Variants in PTPRD observed in about 807,000 individuals in gnomAD.
The protein encoded by PTPRD is receptor-type tyrosine-protein phosphatase delta.
A neutral mutation model predicts 214.5 loss-of-function variants in PTPRD; 34 were observed. That is an observed-to-expected ratio of 0.16 (90% CI 0.12 to 0.21). The LOEUF (loss-of-function observed/expected upper bound fraction) is 0.21, where lower values mean the gene tolerates loss of function less well. Among genes scored for constraint, PTPRD ranks in the 10% least tolerant of loss-of-function variants. The probability of loss-of-function intolerance (pLI) is 1.00; values close to 1 mark genes in which losing one functional copy is unlikely to be tolerated. For synonymous variants in PTPRD, 1,128 were observed against 845.7 expected, an observed-to-expected ratio of 1.33 and a Z score of -5.79; for missense variants, 2,545 against 2,398.7, an observed-to-expected ratio of 1.06 and a Z score of -1.27.
intron 3 of PTPRD, among the ~76,000 whole-genome samples, chr9:10,293,251 G>A (rs773787745): frequency 4.6e-5 from 7 of 151,652 alleles, no homozygotes; most frequent in African/African-American, 7.3e-5. Flanking sequence ...CCTGAAAGAG[G>A]TATAGAAAAA....
chr9:8,721,408 C>A (rs1362529129), intron 12 of PTPRD, among the ~76,000 whole-genome samples: 4 of 139,690 alleles, frequency 2.9e-5, no homozygotes, highest in Non-Finnish European at 6.0e-5. Context: ...CCAGTCTGGA[C>A]GACTGAGTGA....
intron 10 of PTPRD, among the ~76,000 whole-genome samples, chr9:9,022,856 C>A (rs1757453): frequency 0.45 from 67,989 of 151,764 alleles, 15,687 homozygotes; most frequent in African/African-American, 0.52. Context: ...AGAGATCAGC[C>A]ACAGAAACAG....
chr9:8,568,326 C>T (rs1159107613), intron 14 of PTPRD, among the ~76,000 whole-genome samples: 1 of 152,068 alleles, frequency 6.6e-6, no homozygotes, highest in Non-Finnish European at 1.5e-5. Flanking sequence ...TTCCTCCCTC[C>T]CTCCCTCTCT....
chr9:9,594,573 G>A (rs1381658645), intron 7 of PTPRD, among the ~76,000 whole-genome samples: 1 of 152,030 alleles, frequency 6.6e-6, no homozygotes, highest in African/African-American at 2.4e-5. Context: ...TCAAAGATCA[G>A]TTGGCTGTAA....
chr9:8,764,365 G>A (rs1201213244), intron 11 of PTPRD, among the ~76,000 whole-genome samples: 1 of 152,160 alleles, frequency 6.6e-6, no homozygotes, highest in Non-Finnish European at 1.5e-5. Context: ...TTATTGTTTG[G>A]TTTCAAGGCA....
At chr9:10,407,088 T>C (rs2098374894) in intron 2 of PTPRD, among the ~76,000 whole-genome samples, 1 of 151,584 alleles carries the variant, frequency 6.6e-6, no homozygotes, top group East Asian at 2.0e-4. Context: ...GCCCAACGTC[T>C]TCTCACCAAC....
intron 9 of PTPRD, among the ~76,000 whole-genome samples, chr9:9,360,710 T>G (rs191361723): frequency 0.012 from 1,790 of 151,294 alleles, 40 homozygotes; most frequent in African/African-American, 0.041. Flanking sequence ...GTTATTTTCA[T>G]TGTATTATAT....
At chr9:9,518,676 T>C (rs1261555829) in intron 8 of PTPRD, among the ~76,000 whole-genome samples, 1 of 152,020 alleles carries the variant, frequency 6.6e-6, no homozygotes, top group East Asian at 1.9e-4. Context: ...TTCTCCACTT[T>C]AAATTAAATA....
intron 2 of PTPRD, among the ~76,000 whole-genome samples, chr9:10,365,768 T>C (rs1207492888): frequency 6.6e-6 from 1 of 152,132 alleles, no homozygotes; most frequent in East Asian, 1.9e-4. Flanking sequence ...AGTTCAATAG[T>C]TAATACTACA....
At chr9:9,230,263 T>A (rs1179233930) in intron 9 of PTPRD, among the ~76,000 whole-genome samples, 1 of 151,704 alleles carries the variant, frequency 6.6e-6, no homozygotes, top group Non-Finnish European at 1.5e-5. Flanking sequence ...AAAGAGGAGG[T>A]AGGTAGGAGA....
At chr9:9,752,035 TAAATAAGA>T (rs2098525582) in intron 6 of PTPRD, among the ~76,000 whole-genome samples, 1 of 152,108 alleles carries the variant, frequency 6.6e-6, no homozygotes, top group East Asian at 1.9e-4. Flanking sequence ...TTTAGGAATT[TAAATAAGA>T]AAATATTCCA....
At chr9:9,191,155 G>A (rs145589434) in intron 9 of PTPRD, among the ~76,000 whole-genome samples, 1 of 152,100 alleles carries the variant, frequency 6.6e-6, no homozygotes, top group Admixed American at 6.6e-5. Context: ...GTCACATTCT[G>A]TCTCTTGGAG....
intron 11 of PTPRD, among the ~76,000 whole-genome samples, chr9:8,901,996 G>C (rs770679067): frequency 1.3e-5 from 2 of 152,108 alleles, no homozygotes; most frequent in Non-Finnish European, 2.9e-5. Flanking sequence ...AAAAATAAGG[G>C]ATTCAGATAG....
intron 8 of PTPRD, among the ~76,000 whole-genome samples, chr9:9,494,433 C>A (rs2096073550): frequency 6.6e-6 from 1 of 152,130 alleles, no homozygotes; most frequent in Non-Finnish European, 1.5e-5. Flanking sequence ...AAAGAAATTG[C>A]CACAACCACC....
intron 8 of PTPRD, among the ~76,000 whole-genome samples, chr9:9,448,799 A>C (rs2091283453): frequency 6.6e-6 from 1 of 152,046 alleles, no homozygotes; most frequent in Non-Finnish European, 1.5e-5. Context: ...AGGGGGATTA[A>C]ACACACACAT....
intron 12 of PTPRD, among the ~76,000 whole-genome samples, chr9:8,661,564 G>C (rs2154354718): frequency 6.6e-6 from 1 of 152,178 alleles, no homozygotes; most frequent in African/African-American, 2.4e-5. Context: ...GGTAAGAATA[G>C]CTGTAATTTT....
intron 2 of PTPRD, among the ~76,000 whole-genome samples, chr9:10,591,775 C>T (rs1022193935): frequency 6.6e-6 from 1 of 152,046 alleles, no homozygotes; most frequent in African/African-American, 2.4e-5. Context: ...TCATAAAAGG[C>T]AGGGTGGCAT....
At chr9:9,069,482 A>G (rs2154407421) in intron 10 of PTPRD, among the ~76,000 whole-genome samples, 2 of 152,338 alleles carry the variant, frequency 1.3e-5, no homozygotes, top group East Asian at 3.9e-4. Context: ...AACTTAAAGC[A>G]TTACTGACAG....
intron 4 of PTPRD, among the ~76,000 whole-genome samples, chr9:10,003,202 C>T (rs1229869062): frequency 2.0e-5 from 3 of 151,772 alleles, no homozygotes; most frequent in East Asian, 3.9e-4. Flanking sequence ...AAGGATATGA[C>T]ACATCCACAG....
Sources: gnomAD v4.1 joint callset for allele counts (sites outside exome capture counted in the v4.1 genomes callset) on GRCh38, gnomAD v4.1.1 for gene constraint, MANE v1.5 for transcripts, NCBI Gene and HGNC (gene_info 2026-07-23, HGNC 2026-07-21) for gene names.